VRK2: variants seen among roughly 807,000 people sequenced by gnomAD.
VRK2 encodes VRK serine/threonine kinase 2.
Under a neutral mutation model 57.6 loss-of-function variants are expected in VRK2, and 60 were observed. The ratio of observed to expected loss-of-function variants is 1.04; its 90% CI spans 0.85 to 1.29. The LOEUF is 1.29. VRK2 is among the 50% of genes most tolerant of loss of function. The pLI, the probability that VRK2 is intolerant of heterozygous loss-of-function variation, is 0.00. For synonymous variants in VRK2, 231 were observed against 199.2 expected, an observed-to-expected ratio of 1.16 and a Z score of -1.35; for missense variants, 705 against 588.1, an observed-to-expected ratio of 1.20 and a Z score of -2.06.
At chr2:58,033,828 G>C (rs1358522926) in intron 3 of VRK2, among the ~76,000 whole-genome samples, 1 of 151,796 alleles carries the variant, frequency 6.6e-6, no homozygotes, top group Non-Finnish European at 1.5e-5. Flanking sequence ...CCCCAGTTTG[G>C]TCATCCACAG....
At chr2:58,103,813 A>G (rs1439994988) in intron 7 of VRK2, among the ~76,000 whole-genome samples, 2 of 151,830 alleles carry the variant, frequency 1.3e-5, no homozygotes, top group East Asian at 1.9e-4. Context: ...CGTTGGATCA[A>G]TATCCCTGAT....
intron 2 of VRK2, among the ~76,000 whole-genome samples, chr2:58,032,913 T>C (rs993818661): frequency 6.6e-6 from 1 of 152,106 alleles, no homozygotes; most frequent in Non-Finnish European, 1.5e-5. Context: ...AAGTAGCAAA[T>C]CTGCTTCACG....
Position 58,090,270 on chromosome 2 carries a change from C to T in VRK2, c.543+547C>T, listed in dbSNP as rs189854300. On this transcript the variant is annotated intron_variant, in intron 7 of 12. Coordinates refer to ENST00000340157, the MANE Select transcript of VRK2 (RefSeq NM_006296.7). ...AATTAGCTGGGTGTGGTGGTGGGTG[C>T]CTGTAATCCCAGCTACTCAGGAGGC... Among the ~76,000 whole-genome samples, 501 of 152,010 alleles carry T rather than the reference C, an allele frequency of 3.3e-3. 5 individuals carry two copies. Among genetic ancestry groups the T allele is most frequent in the African/African-American group, 0.011 (461 of 41,454 alleles).
At chr2:57,944,273 T>A (rs1023342248) in intron 1 of VRK2, among the ~76,000 whole-genome samples, 1 of 152,208 alleles carries the variant, frequency 6.6e-6, no homozygotes, top group African/African-American at 2.4e-5. Context: ...TATCCCTTAT[T>A]CCAATTGTTA....
chr2:57,973,829 C>A (rs941480178), intron 1 of VRK2, among the ~76,000 whole-genome samples: 1 of 151,466 alleles, frequency 6.6e-6, no homozygotes, highest in East Asian at 1.9e-4. Flanking sequence ...GCGTTCAAAG[C>A]AGCTGAGGCC....
chr2:57,977,146 T>TG lies in VRK2; in HGVS notation c.-438-48518dup, dbSNP rs545805380. Among the ~76,000 whole-genome samples the TG allele has an allele frequency of 2.6e-5, 4 of 152,294 alleles. No homozygotes were observed. In the South Asian group the frequency reaches 8.3e-4, roughly 32 times the overall value. On this transcript the variant is annotated intron_variant, in intron 1 of 15. Coordinates refer to the VRK2 transcript ENST00000417641. ...TAGTATAATTTGAAGTCAGGTAGTG[T>TG]GATGCCTCTGGCTTTGTTCTTTTAA... is the stretch of plus-strand genomic sequence containing the variant.
chr2:57,994,761 C>A (rs1263576481), intron 1 of VRK2, among the ~76,000 whole-genome samples: 1 of 151,408 alleles, frequency 6.6e-6, no homozygotes, highest in Non-Finnish European at 1.5e-5. Flanking sequence ...GAAAAAAAAA[C>A]ATTTTTTAGT....
intron 1 of VRK2, among the ~76,000 whole-genome samples, chr2:58,000,697 C>A (rs189731644): frequency 1.6e-4 from 25 of 152,242 alleles, no homozygotes; most frequent in Admixed American, 3.9e-4. Flanking sequence ...TCAGTGGTTG[C>A]CCCAATAATG....
rs760145730 is a variant in VRK2 at position 58,159,466 on chromosome 2, C to G, written c.1300C>G (p.Gln434Glu). 4 of 1,613,620 alleles carry G rather than the reference C, an allele frequency of 2.5e-6. No homozygotes were observed. The highest frequency in any genetic ancestry group is 3.4e-6 in the Non-Finnish European group (4 of 1,179,726). ...CCCAAACTCATTTTATGAGCCTCAT[C>G]AAGATTTTACCAGTCCAGATATATT... ...QFPNSFYEPHQDFTSPDIFKK... is the reference protein window; with the variant it reads ...QFPNSFYEPHEDFTSPDIFKK... The change falls in exon 13 of 13, where the codon CAA becomes GAA. Residue 434 changes from glutamine to glutamate, a missense_variant. Gln to Glu is a conservative substitution (Grantham distance 29, BLOSUM62 2). Coordinates refer to ENST00000340157, the MANE Select transcript of VRK2 (RefSeq NM_006296.7).
At chr2:58,137,233 CAT>C (rs1298821354) in intron 10 of VRK2, among the ~76,000 whole-genome samples, 2,026 of 29,386 alleles carry the variant, frequency 0.069, 220 homozygotes, top group African/African-American at 0.16. Context: ...TCATATGATA[CAT>C]ATATATCATA....
chr2:58,137,081 T>TATATC (rs1558686062), intron 10 of VRK2, among the ~76,000 whole-genome samples: 8 of 66,668 alleles, frequency 1.2e-4, no homozygotes, highest in African/African-American at 4.6e-4. Flanking sequence ...ATATATAACA[T>TATATC]ATATATGTGT....
At chr2:57,978,109 G>A (rs1442190038) in intron 1 of VRK2, among the ~76,000 whole-genome samples, 1 of 150,920 alleles carries the variant, frequency 6.6e-6, no homozygotes, top group Non-Finnish European at 1.5e-5. Context: ...TACTTTAAGA[G>A]TATTGTTTAA....
chr2:57,922,360 A>G (rs1421160913), intron 1 of VRK2, among the ~76,000 whole-genome samples: 1 of 151,998 alleles, frequency 6.6e-6, no homozygotes, highest in African/African-American at 2.4e-5. Flanking sequence ...GTATATGTTT[A>G]AAGTGTACAA....
chr2:58,061,974 C>T (rs1349548394), intron 2 of VRK2, among the ~76,000 whole-genome samples: 1 of 151,988 alleles, frequency 6.6e-6, no homozygotes, highest in African/African-American at 2.4e-5. Context: ...TCTTATTGCA[C>T]ATCACTTTAT....
At chr2:57,980,092 C>T (rs1672375818) in intron 1 of VRK2, among the ~76,000 whole-genome samples, 1 of 151,948 alleles carries the variant, frequency 6.6e-6, no homozygotes, top group Non-Finnish European at 1.5e-5. Context: ...GGTTGGTTTG[C>T]TCTTATTTTT....
chr2:57,992,822 C>A (rs2104088016), intron 1 of VRK2, among the ~76,000 whole-genome samples: 1 of 152,286 alleles, frequency 6.6e-6, no homozygotes, highest in Admixed American at 6.5e-5. Context: ...AGGCGTGAGC[C>A]ACCGCGCCCG....
At position 58,104,431 on chromosome 2, in the gene VRK2, G is replaced by A. The variant is rs994557676; in HGVS notation, c.543+14708G>A. Among the ~76,000 whole-genome samples, 5 of 150,978 alleles carry A rather than the reference G, an allele frequency of 3.3e-5. No individual in the cohort carries two copies. The South Asian group carries it at 8.3e-4, about 25-fold the overall frequency. On this transcript the variant is annotated intron_variant, in intron 7 of 12. Transcript: ENST00000340157. ...TATACACCAATAACAGTGAAGCTAA[G>A]AACCAAATCGAAAAGGCAATTTTAT...
chr2:58,119,476 C>CAA lies in VRK2; in HGVS notation c.544-3608_544-3607dup, dbSNP rs35693605. 5.4e-3 allele frequency among the ~76,000 whole-genome samples: 473 copies of CAA among 86,808 alleles called. 7 individuals are homozygous for CAA. Among genetic ancestry groups the CAA allele is most frequent in the Non-Finnish European group, 8.1e-3 (376 of 46,440 alleles). The allele number at this position is 86,808 out of a possible 152,430, so 56.9% of individuals were successfully genotyped here. A position where few individuals can be genotyped will look rare whatever the true frequency, so the allele number is the denominator to read the frequency against. Reference sequence around the variant, plus strand: ...TGGGTGACAGAGTGAGACTCCATCTCAAAAAAAAAAAAAAAAAAGCTTTTA... The same window carrying CAA: ...TGGGTGACAGAGTGAGACTCCATCTCAAAAAAAAAAAAAAAAAAAAGCTTTTA... On this transcript the variant is annotated intron_variant, in intron 7 of 12. Coordinates refer to ENST00000340157, the MANE Select transcript of VRK2 (RefSeq NM_006296.7).
At chr2:58,150,426 C>G (rs1682823109) in intron 12 of VRK2, among the ~76,000 whole-genome samples, 1 of 151,284 alleles carries the variant, frequency 6.6e-6, no homozygotes, top group Admixed American at 6.6e-5. Context: ...TTTATCATCA[C>G]CAATATCTAT....
Sources: gnomAD v4.1 joint callset for allele counts (sites outside exome capture counted in the v4.1 genomes callset) on GRCh38, gnomAD v4.1.1 for gene constraint, MANE v1.5 for transcripts, NCBI Gene and HGNC (gene_info 2026-07-23, HGNC 2026-07-21) for gene names.